Variants in ROBO2 observed in about 807,000 individuals in gnomAD.
ROBO2 encodes the protein roundabout homolog 2.
In ROBO2, 53 loss-of-function variants were observed where a neutral mutation model predicts 160.8. The observed-to-expected ratio is 0.33, with a 90% CI of 0.26 to 0.41. The LOEUF is 0.41. Among genes scored for constraint, ROBO2 ranks in the 10% least tolerant of loss-of-function variants. The pLI, the probability that ROBO2 is intolerant of heterozygous loss-of-function variation, is 1.00. For synonymous variants in ROBO2, 664 were observed against 611.7 expected, an observed-to-expected ratio of 1.09 and a Z score of -1.26; for missense variants, 1,577 against 1,722.4, an observed-to-expected ratio of 0.92 and a Z score of 1.49.
At chr3:75,914,943 C>T (rs1420106606) in intron 1 of ROBO2, among the ~76,000 whole-genome samples, 2 of 152,166 alleles carry the variant, frequency 1.3e-5, no homozygotes, top group Admixed American at 6.6e-5. Flanking sequence ...GCCAGCTGTT[C>T]CTTTTGCCCA....
At chr3:77,047,829 G>A (rs1424169420) in intron 1 of ROBO2, among the ~76,000 whole-genome samples, 1 of 151,552 alleles carries the variant, frequency 6.6e-6, no homozygotes, top group Non-Finnish European at 1.5e-5. Flanking sequence ...GGATCACGAG[G>A]TCAGGAGGTC....
chr3:77,503,608 A>T (rs1289301339), intron 5 of ROBO2, among the ~76,000 whole-genome samples: 3 of 151,736 alleles, frequency 2.0e-5, no homozygotes, highest in Non-Finnish European at 4.4e-5. Flanking sequence ...TTCAAAAATA[A>T]ATCAATAGGT....
In ROBO2 at chr3:76,058,598, T is replaced by TTG. The variant is rs2067942690; in HGVS notation, c.109+120997_109+120998insGT. Among the ~76,000 whole-genome samples, 3 of 146,996 alleles carry TTG rather than the reference T, an allele frequency of 2.0e-5. No homozygotes were observed. In the South Asian group the frequency reaches 6.7e-4, roughly 33 times the overall value. On this transcript the variant is annotated intron_variant, in intron 2 of 26. Transcript: ENST00000487694. ...GTCGAAACAGCAGAAACTTTTTTTT[T>TTG]TTTTTTTTTTTTTTTTGCTATTTGG... is the stretch of plus-strand genomic sequence containing the variant.
intron 2 of ROBO2, among the ~76,000 whole-genome samples, chr3:76,489,371 G>C (rs1340365247): frequency 3.9e-5 from 6 of 152,070 alleles, no homozygotes; most frequent in Non-Finnish European, 7.4e-5. Flanking sequence ...TAGAAGAGGA[G>C]AGCCTAGAGT....
chr3:75,938,360 G>A (rs763493603), intron 2 of ROBO2, among the ~76,000 whole-genome samples: 4 of 151,850 alleles, frequency 2.6e-5, no homozygotes, highest in Admixed American at 2.6e-4. Flanking sequence ...TGTTTTGGAG[G>A]ATTATTATTT....
intron 2 of ROBO2, among the ~76,000 whole-genome samples, chr3:76,763,180 G>T: frequency 2.3e-5 from 1 of 43,946 alleles, no homozygotes; most frequent in South Asian, 7.3e-4. Flanking sequence ...GCACTAAAAG[G>T]TTTTGTCATA....
At chr3:77,102,251 C>G (rs949339709) in intron 2 of ROBO2, among the ~76,000 whole-genome samples, 1 of 151,894 alleles carries the variant, frequency 6.6e-6, no homozygotes, top group African/African-American at 2.4e-5. Context: ...ACCTCAACCT[C>G]TGCATTACTG....
At chr3:76,272,952 T>C (rs1437663524) in intron 2 of ROBO2, among the ~76,000 whole-genome samples, 2 of 23,914 alleles carry the variant, frequency 8.4e-5, no homozygotes, top group African/African-American at 1.5e-4. Flanking sequence ...ATAAAATATA[T>C]AATATATATT....
intron 2 of ROBO2, among the ~76,000 whole-genome samples, chr3:76,515,305 G>GA (rs1176158043): frequency 1.3e-5 from 2 of 152,142 alleles, no homozygotes; most frequent in South Asian, 2.1e-4. Context: ...AGGTGAAAGG[G>GA]AAAAAATGAA....
chr3:76,474,457 A>T (rs2078825241), intron 2 of ROBO2, among the ~76,000 whole-genome samples: 1 of 152,150 alleles, frequency 6.6e-6, no homozygotes, highest in Non-Finnish European at 1.5e-5. Context: ...TTTCACACAT[A>T]TTTATTAAGA....
rs753624350 is a variant in ROBO2, at chr3:77,171,036, G to A, written c.388+72696G>A. ...GAAGCTGATTGTTCAGGGATGTGCC[G>A]GTGAGACTGGTCGATTCTTGAGCTG... On this transcript the variant is annotated intron_variant, in intron 2 of 25. Coordinates refer to ENST00000461745, the Ensembl canonical transcript of ROBO2. Among the ~76,000 whole-genome samples the A allele has an allele frequency of 1.2e-4, 18 of 152,116 alleles. 1 individual carries two copies. The highest frequency in any genetic ancestry group is 1.9e-4 in the East Asian group (1 of 5,186).
At chr3:76,093,359 A>T (rs2069308255) in intron 2 of ROBO2, among the ~76,000 whole-genome samples, 1 of 151,936 alleles carries the variant, frequency 6.6e-6, no homozygotes, top group South Asian at 2.1e-4. Context: ...ACACAAGAAG[A>T]GATTTTGGCA....
At chr3:77,047,790 TC>T (rs1244518162) in intron 1 of ROBO2, among the ~76,000 whole-genome samples, 2 of 151,290 alleles carry the variant, frequency 1.3e-5, no homozygotes, top group Non-Finnish European at 2.9e-5. Flanking sequence ...ACGCCTGTAA[TC>T]CCAGCACTTT....
intron 2 of ROBO2, among the ~76,000 whole-genome samples, chr3:76,741,555 A>C (rs1451394440): frequency 1.3e-5 from 2 of 152,048 alleles, no homozygotes; most frequent in African/African-American, 2.4e-5. Context: ...CTTGAAAAAG[A>C]TAGTTGATTG....
At chr3:77,526,695 TA>T (rs936038410) in intron 6 of ROBO2, among the ~76,000 whole-genome samples, 4 of 151,590 alleles carry the variant, frequency 2.6e-5, no homozygotes, top group East Asian at 2.0e-4. Context: ...TATGGTATAA[TA>T]AAAAAATGAT....
chr3:75,922,153 A>G (rs1947085522), intron 1 of ROBO2, among the ~76,000 whole-genome samples: 1 of 152,200 alleles, frequency 6.6e-6, no homozygotes, highest in Admixed American at 6.5e-5. Flanking sequence ...ATCAGTGGGT[A>G]AGTGATAAAC....
chr3:77,414,552 A>G (rs940107471), intron 2 of ROBO2, among the ~76,000 whole-genome samples: 14 of 152,230 alleles, frequency 9.2e-5, no homozygotes, highest in East Asian at 5.8e-4. Context: ...AGAGAGGGGG[A>G]AAATTGCTGA....
chr3:77,455,203 T>A (rs2081502330), intron 2 of ROBO2, among the ~76,000 whole-genome samples: 2 of 152,128 alleles, frequency 1.3e-5, no homozygotes, highest in Admixed American at 6.5e-5. Flanking sequence ...GTTTGATTAA[T>A]GAGAGAACAT....
At chr3:76,386,353 C>CCCTCCCTT (rs1403280796) in intron 2 of ROBO2, among the ~76,000 whole-genome samples, 6 of 121,076 alleles carry the variant, frequency 5.0e-5, no homozygotes, top group Non-Finnish European at 8.2e-5. Flanking sequence ...CTCCCTCCCT[C>CCCTCCCTT]CCTCCCTTCC....
Sources: allele counts gnomAD v4.1 joint callset (sites outside exome capture counted in the v4.1 genomes callset), GRCh38; gene constraint gnomAD v4.1.1; transcripts MANE v1.5; gene names NCBI Gene and HGNC (gene_info 2026-07-23, HGNC 2026-07-21).